Variants in ARMC8 observed in about 807,000 individuals in gnomAD.
ARMC8 encodes the protein armadillo repeat-containing protein 8.
Under a neutral mutation model 99.3 loss-of-function variants are expected in ARMC8, and 20 were observed. That is an observed-to-expected ratio of 0.20 (90% CI 0.14 to 0.29). The LOEUF (loss-of-function observed/expected upper bound fraction) is 0.29, where lower values mean the gene tolerates loss of function less well. Ranked by LOEUF, ARMC8 falls within the 10% of genes least tolerant of loss-of-function variation. The pLI is 1.00. For missense variants in ARMC8, 569 were observed against 809.5 expected, an observed-to-expected ratio of 0.70 and a Z score of 3.60; for synonymous variants, 263 against 278.3, an observed-to-expected ratio of 0.95 and a Z score of 0.55.
intron 6 of ARMC8, among the ~76,000 whole-genome samples, chr3:138,234,813 G>A (rs755082669): frequency 2.0e-5 from 3 of 152,196 alleles, no homozygotes; most frequent in Non-Finnish European, 4.4e-5. Flanking sequence ...AGGAGGTAAA[G>A]AGGCAGCATT....
At chr3:138,291,238 C>T (rs767107428) in intron 21 of ARMC8, among the ~76,000 whole-genome samples, 22 of 152,230 alleles carry the variant, frequency 1.4e-4, no homozygotes, top group Admixed American at 4.6e-4. Flanking sequence ...ACTTTTGAGT[C>T]TCTAGACTCT....
At chr3:138,232,201 C>A (rs2046084388) in intron 6 of ARMC8, among the ~76,000 whole-genome samples, 1 of 151,720 alleles carries the variant, frequency 6.6e-6, no homozygotes, top group East Asian at 1.9e-4. Context: ...GTCTCGAACT[C>A]CTGACCTCAA....
chr3:138,262,596 TTA>T, intron 12 of ARMC8: 1 of 1,547,174 alleles, frequency 6.5e-7, no homozygotes, highest in Admixed American at 2.0e-5. Flanking sequence ...CCTGAGGAGA[TTA>T]AAAAAAAAAA....
At chr3:138,188,829 T>C (rs1466120499) in intron 1 of ARMC8, among the ~76,000 whole-genome samples, 2 of 152,228 alleles carry the variant, frequency 1.3e-5, no homozygotes, top group Non-Finnish European at 2.9e-5. Flanking sequence ...ATAATAATTT[T>C]GTGAGGCTGT....
At chr3:138,269,815 TCTTTC>T (rs2048611612) in intron 15 of ARMC8, among the ~76,000 whole-genome samples, 2 of 130,204 alleles carry the variant, frequency 1.5e-5, no homozygotes, top group African/African-American at 5.9e-5. Context: ...GGTTTTGTTT[TCTTTC>T]TTTTTTTTTT....
chr3:138,239,510 TAACTG>T lies in ARMC8; in HGVS notation c.820_824del (p.Asn274TyrfsTer15). On this transcript the variant is annotated frameshift_variant, in exon 10 of 22. Transcript: ENST00000469044. LOFTEE classifies it high-confidence loss of function. ...GAGCTGGAGCAATTCGGACAGATGA[TAACTG>T]TATTGTATTAAAGGTAAGCTAATTA... 1 of 1,597,742 alleles carries T rather than the reference TAACTG, an allele frequency of 6.3e-7. No homozygotes were observed. Among genetic ancestry groups the T allele is most frequent in the Non-Finnish European group, 8.5e-7 (1 of 1,171,882 alleles).
intron 1 of ARMC8, among the ~76,000 whole-genome samples, chr3:138,195,499 G>T (rs1265816404): frequency 6.6e-6 from 1 of 152,112 alleles, no homozygotes; most frequent in East Asian, 1.9e-4. Context: ...ACACATTTAT[G>T]TAGGGTCTTC....
chr3:138,210,446 C>T (rs143677605), intron 2 of ARMC8, among the ~76,000 whole-genome samples: 1 of 152,236 alleles, frequency 6.6e-6, no homozygotes, highest in East Asian at 1.9e-4. Context: ...TAATTATGCT[C>T]TTAAAAAATT....
At chr3:138,249,829 AAAGT>A (rs1174853154) in intron 12 of ARMC8, among the ~76,000 whole-genome samples, 1 of 152,220 alleles carries the variant, frequency 6.6e-6, no homozygotes, top group Non-Finnish European at 1.5e-5. Context: ...AAGTCAGAGA[AAAGT>A]AAGGAATGAC....
chr3:138,223,291 C>T lies in ARMC8; in HGVS notation c.195-98C>T, dbSNP rs968136063. ...ATTGGATTCATATAAACTCAGCCAA[C>T]CATATTTTTAGTATGTGGACTGCAC... is the stretch of plus-strand genomic sequence containing the variant. On this transcript the variant is annotated intron_variant, in intron 3 of 21. Coordinates refer to ENST00000469044, the MANE Select transcript of ARMC8 (RefSeq NM_001363941.2). The T allele has an allele frequency of 2.5e-5, 27 of 1,069,702 alleles. No homozygotes were observed. The African/African-American group carries it at 2.7e-4, about 11-fold the overall frequency. 66.3% of individuals were successfully genotyped at this position (1,069,702 alleles called of 1,614,324 possible).
intron 2 of ARMC8, among the ~76,000 whole-genome samples, chr3:138,211,478 T>C (rs1167574044): frequency 3.3e-5 from 5 of 152,202 alleles, no homozygotes; most frequent in African/African-American, 9.7e-5. Flanking sequence ...TTCTCAAAAA[T>C]TGATAAAATA....
At chr3:138,193,302 C>T (rs779351165) in intron 1 of ARMC8, among the ~76,000 whole-genome samples, 5 of 151,412 alleles carry the variant, frequency 3.3e-5, no homozygotes, top group Non-Finnish European at 5.9e-5. Flanking sequence ...GCTCTGTCAT[C>T]CGGGCTGGAG....
intron 1 of ARMC8, among the ~76,000 whole-genome samples, chr3:138,209,100 C>G (rs980454234): frequency 5.3e-5 from 8 of 152,254 alleles, no homozygotes; most frequent in Admixed American, 2.0e-4. Flanking sequence ...CAGACTGTTT[C>G]ATGGAGTCCT....
intron 12 of ARMC8, among the ~76,000 whole-genome samples, chr3:138,257,100 C>A (rs1177557595): frequency 6.6e-6 from 1 of 152,180 alleles, no homozygotes; most frequent in Non-Finnish European, 1.5e-5. Flanking sequence ...AATGAACAGG[C>A]ACAAATGTGT....
In ARMC8 at chr3:138,203,526, G is replaced by A. The variant is rs545212643; in HGVS notation, c.46-6291G>A. The stretch of plus-strand genomic sequence containing the variant: ...TTCCATGCCATGTGGGCCTCTCCAC[G>A]GGGCAGCTCCACAGCCTGACAACTA... On this transcript the variant is annotated intron_variant, in intron 1 of 21. Transcript: ENST00000469044. Among the ~76,000 whole-genome samples the A allele has an allele frequency of 4.6e-5, 7 of 152,296 alleles. No homozygotes were observed. The East Asian group carries it at 9.7e-4, about 21-fold the overall frequency.
At chr3:138,290,709 T>G in intron 21 of ARMC8, 70 bp downstream of exon 21, 3 of 1,023,572 alleles carry the variant, frequency 2.9e-6, no homozygotes, top group Non-Finnish European at 4.4e-6. Flanking sequence ...TTTGAATTGC[T>G]TGGTAATTAA....
intron 6 of ARMC8, among the ~76,000 whole-genome samples, chr3:138,234,050 A>AT (rs1238378994): frequency 1.3e-5 from 2 of 151,418 alleles, no homozygotes; most frequent in African/African-American, 4.9e-5. Context: ...AAAACCCTTC[A>AT]TTTTCCTATC....
chr3:138,187,371 C>G lies in ARMC8; in HGVS notation c.-184C>G. 1.7e-6 allele frequency: 1 copy of G among 592,142 alleles called. No homozygotes were observed. Among genetic ancestry groups the G allele is most frequent in the Non-Finnish European group, 3.0e-6 (1 of 333,026 alleles). 36.7% of individuals were successfully genotyped at this position (592,142 alleles called of 1,614,324 possible). Reference sequence around the variant, plus strand: ...GAACGATTCGTAGGACAGCCCCTGACGCCATTCCCTTTTGCCCTTCTTTCT... The same window carrying G: ...GAACGATTCGTAGGACAGCCCCTGAGGCCATTCCCTTTTGCCCTTCTTTCT... On this transcript the variant is annotated 5_prime_UTR_variant, in exon 1 of 22. Transcript: ENST00000469044.
At chr3:138,283,276 A>G (rs1420857003) in intron 18 of ARMC8, among the ~76,000 whole-genome samples, 1 of 152,232 alleles carries the variant, frequency 6.6e-6, no homozygotes, top group African/African-American at 2.4e-5. Context: ...AATCTCCTCA[A>G]TTAGCTTAAT....
Sources: gnomAD v4.1 joint callset for allele counts (sites outside exome capture counted in the v4.1 genomes callset) on GRCh38, gnomAD v4.1.1 for gene constraint, MANE v1.5 for transcripts, NCBI Gene and HGNC (gene_info 2026-07-23, HGNC 2026-07-21) for gene names.